Variants in FBXO41 observed in about 807,000 individuals in gnomAD.
FBXO41 encodes the protein F-box only protein 41.
Under a neutral mutation model 81.6 loss-of-function variants are expected in FBXO41, and 33 were observed. The observed-to-expected ratio is 0.40, with a 90% confidence interval of 0.31 to 0.54. The LOEUF (loss-of-function observed/expected upper bound fraction) is 0.54. Among genes scored for constraint, FBXO41 ranks in the 20% least tolerant of loss-of-function variants. The pLI is 0.39. For missense variants in FBXO41, 1,107 were observed against 1,236.0 expected (o/e 0.90, Z 1.56); for synonymous variants, 576 against 552.7 (o/e 1.04, Z -0.59).
intron 1 of FBXO41, among the ~76,000 whole-genome samples, chr2:73,276,553 A>G (rs1047767042): frequency 6.8e-6 from 1 of 147,560 alleles, no homozygotes; most frequent in East Asian, 2.0e-4. Flanking sequence ...TCTCTGGCAA[A>G]TCTATTCAGA....
intron 1 of FBXO41, among the ~76,000 whole-genome samples, chr2:73,282,442 G>C (rs1688874254): frequency 6.6e-6 from 1 of 152,206 alleles, no homozygotes; most frequent in Non-Finnish European, 1.5e-5. Flanking sequence ...GCTGTGCACA[G>C]TGGCTATAAT....
chr2:73,265,521 G>A lies in FBXO41; in HGVS notation c.1325C>T (p.Thr442Ile). ...GCCCCCGTTGGCAGCCTGGGCCCGT[G>A]TGCCCAAGCCCCCAGGGCCACTGTC... ...PEDSGPGGLG[T>I]RAQAANGGSE... Residue 442 changes from threonine (T) to isoleucine (I), a missense_variant, in exon 5 of 13, where the codon ACA (threonine) becomes ATA (isoleucine). Coordinates refer to ENST00000520530, the MANE Select transcript of FBXO41 (RefSeq NM_001371389.2). The A allele has an allele frequency of 1.3e-6, 2 of 1,596,118 alleles. No homozygotes were observed. The highest frequency in any genetic ancestry group is 1.7e-6 in the Non-Finnish European group (2 of 1,173,312).
At position 73,260,170 on chromosome 2, in the gene FBXO41, T is replaced by C. The variant is rs1687954967; in HGVS notation, c.2449+219A>G. On this transcript the variant is annotated intron_variant, in intron 11 of 12. Transcript: ENST00000520530. The surrounding 1 kb of genome is among the most constrained non-coding windows in gnomAD (Gnocchi z 5.0). ...TGGGAATACAGGACTCAGAGAGGTA[T>C]AGTAACTTGCCCAACATCACTCAGC... Among the ~76,000 whole-genome samples, 3 of 152,146 alleles carry C rather than the reference T, an allele frequency of 2.0e-5. No homozygotes were observed. The highest frequency in any genetic ancestry group is 2.0e-4 in the Admixed American group (3 of 15,276).
At position 73,269,150 on chromosome 2, in the gene FBXO41, T is replaced by C; in HGVS notation, c.481A>G (p.Lys161Glu). The change falls in exon 2 of 13, where the codon AAG becomes GAG. Residue 161 changes from lysine (K) to glutamate (E), a missense_variant. Around this residue, in one of 2 missense-constraint regions of FBXO41, gnomAD observed 771 missense variants for 789.2 expected, o/e 0.98. Coordinates refer to ENST00000520530, the MANE Select transcript of FBXO41 (RefSeq NM_001371389.2). This position sits in a 1 kb window ranked among gnomAD's most constrained non-coding sequence, Gnocchi z 7.0. The stretch of plus-strand genomic sequence containing the variant: ...GAGCACGCCGAGGACGCCACGGACT[T>C]GCGGGCGAACAGCTCCCCCAGCGGG... ...EIPLGELFAR[K>E]SVASSACSTP... The C allele has an allele frequency of 6.6e-7, 1 of 1,522,512 alleles. No homozygotes were observed. The highest frequency in any genetic ancestry group is 8.8e-7 in the Non-Finnish European group (1 of 1,140,958). 94.3% of individuals were successfully genotyped at this position (1,522,512 alleles called of 1,614,324 possible). A position where few individuals can be genotyped will look rare whatever the true frequency, so the allele number is the denominator to read the frequency against.
chr2:73,282,553 A>G (rs1688877523), intron 1 of FBXO41, among the ~76,000 whole-genome samples: 1 of 152,156 alleles, frequency 6.6e-6, no homozygotes, highest in South Asian at 2.1e-4. Context: ...AAGAAAAAAA[A>G]TTAGGCAGGT....
At chr2:73,276,597 A>AGAGAGGGAGAGAGG (rs1688693634) in intron 1 of FBXO41, among the ~76,000 whole-genome samples, 2 of 105,702 alleles carry the variant, frequency 1.9e-5, no homozygotes, top group Non-Finnish European at 3.8e-5. Context: ...AGAGAGAGAG[A>AGAGAGGGAGAGAGG]GAGAGAGGGA....
Position 73,268,951 on chromosome 2 carries a change from T to C in FBXO41, c.680A>G (p.Glu227Gly), listed in dbSNP as rs543137431. The C allele has an allele frequency of 6.5e-7, 1 of 1,539,052 alleles. No homozygotes were observed. Among genetic ancestry groups the C allele is most frequent in the Non-Finnish European group, 8.7e-7 (1 of 1,146,292 alleles). The part of the protein sequence containing the change: ...RRLERLSEEV[E>G]QKIAGQVGRL... ...GCCCACCTGGCCCGCGATCTTCTGC[T>C]CCACCTCCTCGCTCAGCCGCTCCAG... The change falls in exon 2 of 13, where the codon GAG (glutamate) becomes GGG (glycine). Residue 227 changes from glutamate (E) to glycine (G), a missense_variant. Physicochemically the swap from Glu to Gly is moderately conservative, Grantham distance 98 (BLOSUM62 -2). Transcript: ENST00000520530.
chr2:73,275,940 C>T (rs1264445837), intron 1 of FBXO41, among the ~76,000 whole-genome samples: 1 of 150,022 alleles, frequency 6.7e-6, no homozygotes, highest in Admixed American at 6.6e-5. Context: ...GCGTATGCCA[C>T]CAGGCCCAGC....
At position 73,263,991 on chromosome 2, in the gene FBXO41, C is replaced by T; in HGVS notation, c.1869G>A (p.Lys623=). Reference sequence around the variant, plus strand: ...TCTCCTTCTTTCCCCGCTGCCGGGGCTTCAAGTTCTGCAGCGTCAGAGAGT... The same window carrying T: ...TCTCCTTCTTTCCCCGCTGCCGGGGTTTCAAGTTCTGCAGCGTCAGAGAGT... The part of the protein sequence containing the change: ...QAHSLTLQNL[K]PRQRGKKESK... The change falls in exon 7 of 13, where the codon AAG becomes AAA. Residue 623 remains lysine, a synonymous_variant. Transcript: ENST00000520530. The T allele has an allele frequency of 1.9e-6, 3 of 1,606,054 alleles. No homozygotes were observed. The highest frequency in any genetic ancestry group is 2.6e-6 in the Non-Finnish European group (3 of 1,176,070).
In FBXO41 at chr2:73,266,159, C is replaced by T. The variant is rs1688267459; in HGVS notation, c.1132-193G>A. Among the ~76,000 whole-genome samples, 4 of 152,162 alleles carry T rather than the reference C, an allele frequency of 2.6e-5. No individual in the cohort carries two copies. In the South Asian group the frequency reaches 8.3e-4, roughly 31 times the overall value. On this transcript the variant is annotated intron_variant, in intron 3 of 12. Coordinates refer to ENST00000520530, the MANE Select transcript of FBXO41 (RefSeq NM_001371389.2). This position sits in a 1 kb window ranked among gnomAD's most constrained non-coding sequence, Gnocchi z 5.3. ...AGGCAGGCTTACCAGCCCCTCCCCA[C>T]ACCCACACAATACCCTGGACCCCAG...
chr2:73,271,170 C>T (rs954190319), intron 1 of FBXO41: 7 of 336,026 alleles, frequency 2.1e-5, no homozygotes, highest in South Asian at 4.6e-5. Flanking sequence ...CCTGACCTGC[C>T]GCATAGTTGT....
chr2:73,261,635 T>A (rs532309634), intron 9 of FBXO41, among the ~76,000 whole-genome samples: 1 of 152,212 alleles, frequency 6.6e-6, no homozygotes, highest in South Asian at 2.1e-4. Flanking sequence ...CAGTCTGATC[T>A]TAATCCCTTT....
In FBXO41 at chr2:73,257,147, G is replaced by GGGCT. The variant is rs1344493925; in HGVS notation, c.*1831_*1834dup. On this transcript the variant is annotated 3_prime_UTR_variant, in exon 13 of 13. Transcript: ENST00000520530. The surrounding 1 kb of genome is among the most constrained non-coding windows in gnomAD (Gnocchi z 4.6). Reference sequence around the variant, plus strand: ...TGCTTTTTCCTGACCCCTGAGGACAGGGCTGGTGCAGGGAGAAGCCAATGG... The same window carrying GGGCT: ...TGCTTTTTCCTGACCCCTGAGGACAGGGCTGGCTGGTGCAGGGAGAAGCCAATGG... The GGGCT allele has an allele frequency of 6.5e-6, 1 of 153,112 alleles. No individual in the cohort carries two copies. The highest frequency in any genetic ancestry group is 6.5e-5 in the Admixed American group (1 of 15,288). The allele number at this position is 153,112 out of a possible 1,614,324, so 9.5% of individuals were successfully genotyped here. A position where few individuals can be genotyped will look rare whatever the true frequency, so the allele number is the denominator to read the frequency against.
chr2:73,268,560 A>G (rs1440214515), intron 2 of FBXO41, among the ~76,000 whole-genome samples, 166 bp downstream of exon 2: 1 of 152,190 alleles, frequency 6.6e-6, no homozygotes, highest in Non-Finnish European at 1.5e-5. Context: ...ACAGTACCAC[A>G]TATCATCATG....
At chr2:73,279,427 A>G (rs1007492457) in intron 1 of FBXO41, among the ~76,000 whole-genome samples, 29 of 152,318 alleles carry the variant, frequency 1.9e-4, no homozygotes, top group African/African-American at 6.5e-4. Flanking sequence ...AGCAAGTCCA[A>G]GGGAGAGGGC....
intron 9 of FBXO41, among the ~76,000 whole-genome samples, chr2:73,262,431 A>G (rs1410578947): frequency 2.0e-5 from 3 of 152,206 alleles, no homozygotes; most frequent in Non-Finnish European, 2.9e-5. Context: ...GAGGAACTCC[A>G]AACAGAGTGA....
intron 9 of FBXO41, among the ~76,000 whole-genome samples, chr2:73,262,114 T>C (rs1157071703): frequency 1.3e-5 from 2 of 152,080 alleles, no homozygotes; most frequent in South Asian, 2.1e-4. Context: ...TCCCAGCTAC[T>C]TGGGAGGCTG....
At position 73,255,249 on chromosome 2, in the gene FBXO41, T is replaced by C. The variant is rs910965075; in HGVS notation, c.*3733A>G. 1 of 152,726 alleles carries C rather than the reference T, an allele frequency of 6.5e-6. No individual in the cohort carries two copies. Among genetic ancestry groups the C allele is most frequent in the Admixed American group, 6.5e-5 (1 of 15,294 alleles). The allele number at this position is 152,726 out of a possible 1,614,324, so 9.5% of individuals were successfully genotyped here. A position where few individuals can be genotyped will look rare whatever the true frequency, so the allele number is the denominator to read the frequency against. On this transcript the variant is annotated 3_prime_UTR_variant, in exon 13 of 13. Transcript: ENST00000520530. The stretch of plus-strand genomic sequence containing the variant: ...AGCCTGCCTGATTGTCAGGGCAGCC[T>C]TGGGACTGGCTGAGGTCCCAAGGGT...
At chr2:73,264,729 G>A (rs975159990) in intron 5 of FBXO41, among the ~76,000 whole-genome samples, 1 of 152,138 alleles carries the variant, frequency 6.6e-6, no homozygotes, top group Non-Finnish European at 1.5e-5. Context: ...CATCCCTTGT[G>A]TAAACTTCCT....
Sources: gnomAD v4.1 joint callset for allele counts (sites outside exome capture counted in the v4.1 genomes callset) on GRCh38, gnomAD v4.1.1 for gene constraint, gnomAD v4.1.1 regional missense constraint, Gnocchi (gnomAD v3.1) non-coding constraint, MANE v1.5 for transcripts, NCBI Gene and HGNC (gene_info 2026-07-23, HGNC 2026-07-21) for gene names.